The following LAMA2 variants were observed in gnomAD, a reference collection of about 807,000 sequenced individuals.
LAMA2 encodes laminin subunit alpha-2.
In LAMA2, 269 loss-of-function variants were observed where a neutral mutation model predicts 364.8. That is an observed-to-expected ratio of 0.74 (90% confidence interval 0.67 to 0.82). The LOEUF is 0.82. Among genes scored for constraint, LAMA2 ranks in the 40% least tolerant of loss-of-function variants. The pLI is 0.00. For missense variants in LAMA2, 3,807 were observed against 3,873.2 expected, an observed-to-expected ratio of 0.98 and a Z score of 0.45; for synonymous variants, 1,379 against 1,370.6, an observed-to-expected ratio of 1.01 and a Z score of -0.14.
At chr6:128,931,214 G>C (rs1325018041) in intron 1 of LAMA2, among the ~76,000 whole-genome samples, 3 of 152,172 alleles carry the variant, frequency 2.0e-5, no homozygotes, top group East Asian at 3.8e-4. Context: ...AAAGGATACA[G>C]GTAAAAGTTC....
intron 1 of LAMA2, among the ~76,000 whole-genome samples, chr6:128,912,457 C>A (rs1464955947): frequency 6.6e-6 from 1 of 152,094 alleles, no homozygotes; most frequent in African/African-American, 2.4e-5. Context: ...TAAAATTCTT[C>A]ATAGGTATAT....
At chr6:128,905,572 A>AT (rs1777391828) in intron 1 of LAMA2, 1 of 151,658 alleles carries the variant, frequency 6.6e-6, no homozygotes, top group South Asian at 2.1e-4. Context: ...TAAAAACAGC[A>AT]TTTTAAAGGT....
At chr6:129,247,466 A>G (rs1337927845) in intron 12 of LAMA2, among the ~76,000 whole-genome samples, 3 of 152,168 alleles carry the variant, frequency 2.0e-5, no homozygotes, top group Non-Finnish European at 2.9e-5. Flanking sequence ...ATAAAGAAAG[A>G]CAGAATTACT....
chr6:128,986,153 A>G (rs187049088), intron 1 of LAMA2, among the ~76,000 whole-genome samples: 11 of 152,284 alleles, frequency 7.2e-5, no homozygotes, highest in South Asian at 4.1e-4. Flanking sequence ...ATTCTTTTCA[A>G]TAATCAAATT....
intron 4 of LAMA2, among the ~76,000 whole-genome samples, chr6:129,135,377 A>G (rs2114943523): frequency 6.6e-6 from 1 of 152,260 alleles, no homozygotes; most frequent in Non-Finnish European, 1.5e-5. Context: ...TGCTTATTGA[A>G]CCCTTCCTCT....
intron 1 of LAMA2, among the ~76,000 whole-genome samples, chr6:129,011,450 C>T (rs934375271): frequency 6.6e-6 from 1 of 152,182 alleles, no homozygotes; most frequent in African/African-American, 2.4e-5. Flanking sequence ...TGCCCATATC[C>T]ATGCCCTTTG....
intron 1 of LAMA2, among the ~76,000 whole-genome samples, chr6:129,048,914 G>A (rs1490501413): frequency 2.0e-5 from 3 of 151,862 alleles, no homozygotes; most frequent in Non-Finnish European, 4.4e-5. Flanking sequence ...CACACCCGGC[G>A]AGGAATGACT....
At chr6:129,417,790 A>G (rs1295740416) in intron 40 of LAMA2, among the ~76,000 whole-genome samples, 1 of 152,118 alleles carries the variant, frequency 6.6e-6, no homozygotes, top group Non-Finnish European at 1.5e-5. Context: ...AGGGGGCTAG[A>G]GTGTCAGTGC....
chr6:129,293,585 A>C (rs1356627352), intron 20 of LAMA2, among the ~76,000 whole-genome samples: 2 of 152,220 alleles, frequency 1.3e-5, no homozygotes, highest in Non-Finnish European at 2.9e-5. Context: ...ACAAATACCC[A>C]AAACGGGGAA....
intron 1 of LAMA2, among the ~76,000 whole-genome samples, chr6:128,976,587 A>C (rs1174464370): frequency 2.6e-5 from 4 of 152,242 alleles, no homozygotes; most frequent in Admixed American, 2.6e-4. Flanking sequence ...CTTTGAGAGA[A>C]GAATCATGAC....
rs1008390826 is a variant in LAMA2 at position 129,348,601 on chromosome 6, G to A, written c.4437-697G>A. 3.3e-5 allele frequency among the ~76,000 whole-genome samples: 5 copies of A among 151,824 alleles called. No homozygotes were observed. The South Asian group carries it at 1.0e-3, about 32-fold the overall frequency. ...TCATCAGAAATCCAGGAGCAAGACA[G>A]ACTGGCTGTGGTCTACCAGCATTGT... is the stretch of plus-strand genomic sequence containing the variant. On this transcript the variant is annotated intron_variant, in intron 30 of 64. Transcript: ENST00000421865.
At chr6:129,119,587 G>A (rs991303770) in intron 4 of LAMA2, among the ~76,000 whole-genome samples, 4 of 151,584 alleles carry the variant, frequency 2.6e-5, no homozygotes, top group East Asian at 1.9e-4. Context: ...TCGATCTGTC[G>A]CCCAGGCTGG....
At chr6:129,290,211 G>T (rs1789597470) in intron 19 of LAMA2, among the ~76,000 whole-genome samples, 1 of 152,122 alleles carries the variant, frequency 6.6e-6, no homozygotes, top group Admixed American at 6.5e-5. Flanking sequence ...GACTCCTAAA[G>T]TCTAAATAAT....
In LAMA2 at chr6:129,359,393, T is replaced by G. The variant is rs1250576012; in HGVS notation, c.4717+6036T>G. On this transcript the variant is annotated intron_variant, in intron 32 of 64. Transcript: ENST00000421865. ...ACAAATTCATCAGTCTCAGCTGAGG[T>G]CTACAGCTTTCCTCTCTATTCAAAG... is the stretch of plus-strand genomic sequence containing the variant. Among the ~76,000 whole-genome samples the G allele has an allele frequency of 2.0e-5, 3 of 151,602 alleles. No homozygotes were observed. In the South Asian group the frequency reaches 6.2e-4, roughly 31 times the overall value.
At chr6:129,418,476 C>T (rs1780911943) in intron 40 of LAMA2, among the ~76,000 whole-genome samples, 1 of 151,736 alleles carries the variant, frequency 6.6e-6, no homozygotes, top group African/African-American at 2.4e-5. Context: ...TTTATATTAC[C>T]CTAAGAGATA....
At position 129,252,073 on chromosome 6, in the gene LAMA2, TC is replaced by T; in HGVS notation, c.1885-6del. On this transcript the variant is annotated splice_polypyrimidine_tract_variant and intron_variant, in intron 13 of 64. Transcript: ENST00000421865. ...TTTACTCTTTTTTATTTCTTTTTTT[TC>T]CCCCTTTAGGGTAATGACTTGAGCA... The T allele has an allele frequency of 6.3e-7, 1 of 1,596,164 alleles. No individual in the cohort carries two copies. Among genetic ancestry groups the T allele is most frequent in the African/African-American group, 1.3e-5 (1 of 74,628 alleles).
At chr6:129,195,065 A>G (rs552807878) in intron 12 of LAMA2, among the ~76,000 whole-genome samples, 29 of 152,314 alleles carry the variant, frequency 1.9e-4, no homozygotes, top group African/African-American at 6.0e-4. Context: ...ATCCATGACC[A>G]GGAGTCTATG....
chr6:128,894,554 C>T (rs890940115), intron 1 of LAMA2, among the ~76,000 whole-genome samples: 4 of 151,994 alleles, frequency 2.6e-5, no homozygotes, highest in Non-Finnish European at 4.4e-5. Flanking sequence ...TAGGGTATTC[C>T]ACGAAAAAAG....
chr6:129,306,177 A>G (rs1004207988), intron 22 of LAMA2, among the ~76,000 whole-genome samples: 6 of 151,950 alleles, frequency 3.9e-5, no homozygotes, highest in African/African-American at 1.4e-4. Flanking sequence ...CCTTGTGTAT[A>G]TCAATTTTAA....
Sources: gnomAD v4.1 joint callset for allele counts (sites outside exome capture counted in the v4.1 genomes callset) on GRCh38, gnomAD v4.1.1 for gene constraint, MANE v1.5 for transcripts, NCBI Gene and HGNC (gene_info 2026-07-23, HGNC 2026-07-21) for gene names.